Variants in MMP26 observed in about 807,000 individuals in gnomAD.
The protein encoded by MMP26 is matrix metalloproteinase-26.
MMP26 carries 33 observed loss-of-function variants against 31.0 expected under a neutral mutation model. The observed-to-expected ratio is 1.06, with a 90% confidence interval of 0.81 to 1.42. The LOEUF (loss-of-function observed/expected upper bound fraction) is 1.42. Ranked by LOEUF, MMP26 falls within the 40% of genes most tolerant of loss-of-function variation. MMP26 has a pLI of 0.00. For missense variants in MMP26, 347 were observed against 316.1 expected (o/e 1.10, Z -0.74); for synonymous variants, 122 against 114.9 (o/e 1.06, Z -0.40).
At chr11:4,746,780 G>C (rs1359994767) in intron 1 of MMP26, among the ~76,000 whole-genome samples, 1 of 151,530 alleles carries the variant, frequency 6.6e-6, no homozygotes, top group African/African-American at 2.4e-5. Context: ...GTTGCAGTGA[G>C]CTGAGATTGT....
chr11:4,779,578 A>T (rs988794067), intron 2 of MMP26, among the ~76,000 whole-genome samples: 2 of 151,952 alleles, frequency 1.3e-5, no homozygotes, highest in African/African-American at 4.8e-5. Context: ...TTTTTCCCTT[A>T]CATTCTTTGG....
chr11:4,801,655 G>C (rs1589904749), intron 2 of MMP26, among the ~76,000 whole-genome samples: 2 of 152,020 alleles, frequency 1.3e-5, no homozygotes, highest in East Asian at 1.9e-4. Context: ...CGATTCTCCT[G>C]CCTCAGCCTC....
rs181418241 is a variant in MMP26, at chr11:4,982,822, A to G, written c.-144-5246A>G. Among the ~76,000 whole-genome samples the G allele has an allele frequency of 2.4e-4, 37 of 152,298 alleles. No homozygotes were observed. The East Asian group carries it at 6.4e-3, about 26-fold the overall frequency. On this transcript the variant is annotated intron_variant, in intron 2 of 7. Coordinates refer to ENST00000380390, the MANE Select transcript of MMP26 (RefSeq NM_021801.5). ...TCAGGCAAAACCTATACTCTAATCA[A>G]AAGAAATGACCTGAGGTTCTAGGCT...
chr11:4,805,277 C>A (rs1331984223), intron 2 of MMP26, among the ~76,000 whole-genome samples: 2 of 152,180 alleles, frequency 1.3e-5, no homozygotes, highest in South Asian at 2.1e-4. Flanking sequence ...ACCAATTGTA[C>A]ATTTATAATT....
chr11:4,982,601 G>A (rs11824506), intron 2 of MMP26, among the ~76,000 whole-genome samples: 7,502 of 152,146 alleles, frequency 0.049, 632 homozygotes, highest in African/African-American at 0.17. Context: ...CATACAAATA[G>A]CACTTAACAA....
chr11:4,752,873 A>G (rs1848463537), intron 1 of MMP26: 1 of 152,942 alleles, frequency 6.5e-6, no homozygotes, highest in South Asian at 2.1e-4. Flanking sequence ...GGGCAGTTAA[A>G]TAGAGGCAGC....
intron 2 of MMP26, chr11:4,877,574 T>C (rs775388535): frequency 2.0e-5 from 3 of 152,200 alleles, no homozygotes; most frequent in Non-Finnish European, 2.9e-5. Flanking sequence ...CACTATCCAA[T>C]AGAAATTCCC....
At chr11:4,819,566 A>ATTTTTTTTTTTTTTTTT (rs71050433) in intron 2 of MMP26, among the ~76,000 whole-genome samples, 5 of 50,302 alleles carry the variant, frequency 9.9e-5, no homozygotes, top group African/African-American at 1.8e-4. Context: ...GAGTCGACTG[A>ATTTTTTTTTTTTTTTTT]TTTTTTTTTT....
At chr11:4,761,900 G>T (rs1051642041) in intron 1 of MMP26, among the ~76,000 whole-genome samples, 3 of 152,016 alleles carry the variant, frequency 2.0e-5, no homozygotes, top group African/African-American at 7.2e-5. Flanking sequence ...AATATAGAAT[G>T]ATCAAGTCAA....
intron 1 of MMP26, chr11:4,723,852 G>C: frequency 6.9e-7 from 1 of 1,451,508 alleles, no homozygotes; most frequent in Admixed American, 1.7e-5. Flanking sequence ...ACCGTACCTT[G>C]TCTATGAAGG....
intron 2 of MMP26, among the ~76,000 whole-genome samples, chr11:4,884,968 A>G (rs1429009721): frequency 6.6e-6 from 1 of 152,144 alleles, no homozygotes; most frequent in Non-Finnish European, 1.5e-5. Flanking sequence ...GAGGTTTTAG[A>G]TGAACAATTG....
intron 2 of MMP26, among the ~76,000 whole-genome samples, chr11:4,926,265 A>T (rs1009074612): frequency 4.8e-4 from 73 of 152,194 alleles, no homozygotes; most frequent in Non-Finnish European, 8.2e-4. Context: ...GGAAAGAGGA[A>T]GAAATAAAGG....
chr11:4,724,795 A>G (rs571914140), intron 1 of MMP26, among the ~76,000 whole-genome samples: 6 of 152,246 alleles, frequency 3.9e-5, no homozygotes, highest in Non-Finnish European at 8.8e-5. Context: ...CGCAGATGCT[A>G]AATTCCAAAG....
At chr11:4,949,894 C>T (rs140423332) in intron 2 of MMP26, among the ~76,000 whole-genome samples, 3,536 of 122,274 alleles carry the variant, frequency 0.029, 961 homozygotes, top group Middle Eastern at 0.061. Flanking sequence ...TATACATACC[C>T]ATTTCAGGTA....
chr11:4,962,880 C>G (rs1231554141), intron 2 of MMP26, among the ~76,000 whole-genome samples: 3 of 152,102 alleles, frequency 2.0e-5, no homozygotes, highest in Non-Finnish European at 4.4e-5. Flanking sequence ...GTAAGCTAAA[C>G]AGAAAGTTGA....
intron 1 of MMP26, among the ~76,000 whole-genome samples, chr11:4,732,572 A>C (rs1196405792): frequency 1.3e-5 from 2 of 149,754 alleles, no homozygotes; most frequent in African/African-American, 4.9e-5. Context: ...GAAAATTTTC[A>C]TGAACCCCAA....
intron 2 of MMP26, among the ~76,000 whole-genome samples, chr11:4,808,973 G>A (rs1849314474): frequency 6.6e-6 from 1 of 151,336 alleles, no homozygotes; most frequent in Non-Finnish European, 1.5e-5. Context: ...AATGCTTCAA[G>A]GCATGTGGAG....
At chr11:4,850,444 A>C (rs1357210252) in intron 2 of MMP26, among the ~76,000 whole-genome samples, 1 of 152,168 alleles carries the variant, frequency 6.6e-6, no homozygotes, top group African/African-American at 2.4e-5. Context: ...AAACCTGAGA[A>C]TTAGCTTCTC....
At chr11:4,790,017 A>C (rs1391364588) in intron 2 of MMP26, among the ~76,000 whole-genome samples, 3 of 152,204 alleles carry the variant, frequency 2.0e-5, no homozygotes, top group Non-Finnish European at 4.4e-5. Context: ...GGATGCACAC[A>C]TATTGAAAAT....
Sources: allele counts gnomAD v4.1 joint callset (sites outside exome capture counted in the v4.1 genomes callset), GRCh38; gene constraint gnomAD v4.1.1; transcripts MANE v1.5; gene names NCBI Gene and HGNC (gene_info 2026-07-23, HGNC 2026-07-21).